Variants in FER1L6 observed in about 807,000 individuals in gnomAD.
FER1L6 encodes fer-1-like protein 6.
Under a neutral mutation model 219.2 loss-of-function variants are expected in FER1L6, and 177 were observed. That is an observed-to-expected ratio of 0.81 (90% CI 0.71 to 0.91). The LOEUF (loss-of-function observed/expected upper bound fraction) is 0.91, where lower values mean the gene tolerates loss of function less well. Among genes scored for constraint, FER1L6 ranks in the 40% least tolerant of loss-of-function variants. The pLI, the probability that FER1L6 is intolerant of heterozygous loss-of-function variation, is 0.00. For missense variants in FER1L6, 2,153 were observed against 2,259.9 expected, an observed-to-expected ratio of 0.95 and a Z score of 0.96; for synonymous variants, 768 against 824.3, an observed-to-expected ratio of 0.93 and a Z score of 1.17.
chr8:123,865,239 A>C lies in FER1L6; in HGVS notation c.-8+13054A>C, dbSNP rs564530587. On this transcript the variant is annotated intron_variant, in intron 1 of 40. Coordinates refer to ENST00000522917, the MANE Select transcript of FER1L6 (RefSeq NM_001039112.2). The stretch of plus-strand genomic sequence containing the variant: ...CTGCAGGTCTGTTGGAATACCCTGC[A>C]GTGTGAGGTGTCAGTGTGCCCCTGC... 2.7e-3 allele frequency among the ~76,000 whole-genome samples: 397 copies of C among 148,456 alleles called. 3 individuals are homozygous for C. The highest frequency in any genetic ancestry group is 9.8e-3 in the South Asian group (46 of 4,686).
intron 22 of FER1L6, among the ~76,000 whole-genome samples, chr8:124,055,799 G>T (rs1820267669): frequency 6.6e-6 from 1 of 152,056 alleles, no homozygotes. Flanking sequence ...GTTTGAAAGG[G>T]TCCCTCATCG....
intron 1 of FER1L6, among the ~76,000 whole-genome samples, chr8:123,889,153 A>T (rs1032717372): frequency 6.6e-6 from 1 of 152,200 alleles, no homozygotes; most frequent in Non-Finnish European, 1.5e-5. Flanking sequence ...GATAAATAAG[A>T]CTAATTTAAT....
rs368797867 is a variant in FER1L6 at position 124,114,895 on chromosome 8, G to GTGTATATA, written c.5290-3948_5290-3947insGTATATAT. 5.6e-4 allele frequency among the ~76,000 whole-genome samples: 50 copies of GTGTATATA among 90,064 alleles called. 1 individual carries two copies. In the South Asian group the frequency reaches 6.5e-3, roughly 12 times the overall value. 59.1% of individuals were successfully genotyped at this position (90,064 alleles called of 152,430 possible). A position where few individuals can be genotyped will look rare whatever the true frequency, so the allele number is the denominator to read the frequency against. ...ACATATATATGCAGTGTGTGTGTGC[G>GTGTATATA]TATATATATATATATATATATATAT... is the stretch of plus-strand genomic sequence containing the variant. On this transcript the variant is annotated intron_variant, in intron 39 of 40. Coordinates refer to ENST00000522917, the MANE Select transcript of FER1L6 (RefSeq NM_001039112.2).
chr8:123,907,369 A>G (rs1192235067), intron 1 of FER1L6, among the ~76,000 whole-genome samples: 1 of 152,130 alleles, frequency 6.6e-6, no homozygotes, highest in Non-Finnish European at 1.5e-5. Context: ...AGCTGCTGCT[A>G]TCACCACCCT....
At chr8:124,092,426 C>A (rs1002109277) in intron 34 of FER1L6, among the ~76,000 whole-genome samples, 1 of 152,076 alleles carries the variant, frequency 6.6e-6, no homozygotes, top group Admixed American at 6.6e-5. Flanking sequence ...AATAATTGAA[C>A]ATAACCCAAA....
chr8:124,073,046 T>C lies in FER1L6; in HGVS notation c.4092+1415T>C, dbSNP rs533950845. Among the ~76,000 whole-genome samples, 9 of 96,270 alleles carry C rather than the reference T, an allele frequency of 9.3e-5. No individual in the cohort carries two copies. The South Asian group carries it at 3.5e-3, about 37-fold the overall frequency. 63.2% of individuals were successfully genotyped at this position (96,270 alleles called of 152,430 possible). The stretch of plus-strand genomic sequence containing the variant: ...ATCTTGAACAGCATTTTCTAAACTT[T>C]TGCCTCATACCTTTTTTCCCCTGCA... On this transcript the variant is annotated intron_variant, in intron 31 of 40. Transcript: ENST00000522917.
chr8:123,896,849 A>G (rs926698160), intron 1 of FER1L6, among the ~76,000 whole-genome samples: 1 of 152,174 alleles, frequency 6.6e-6, no homozygotes, highest in Non-Finnish European at 1.5e-5. Flanking sequence ...CTTCAGGCTC[A>G]TATATCAATG....
chr8:124,067,806 G>C lies in FER1L6; in HGVS notation c.3718G>C (p.Glu1240Gln), dbSNP rs1449892894. 12 of 1,612,248 alleles carry C rather than the reference G, an allele frequency of 7.4e-6. No individual in the cohort carries two copies. The highest frequency in any genetic ancestry group is 1.0e-5 in the Non-Finnish European group (12 of 1,178,382). The change falls in exon 28 of 41, where the codon GAG becomes CAG. Residue 1240 changes from glutamate to glutamine, a missense_variant and splice_region_variant. By Grantham distance (29) the Glu-to-Gln change is conservative. Transcript: ENST00000522917. ...RNPKGKKGNT[E>Q]AKPDEVVVDI... ...TCCCAAGGGAAAAAAAGGCAATACA[G>C]GTAAGCAGTTATTCTGGGGACATTT...
At chr8:123,941,084 TCTA>T (rs1814222066) in intron 1 of FER1L6, among the ~76,000 whole-genome samples, 1 of 152,204 alleles carries the variant, frequency 6.6e-6, no homozygotes, top group Non-Finnish European at 1.5e-5. Context: ...ATTACACATG[TCTA>T]CTACATGCTG....
chr8:123,859,641 G>A (rs1165389181), intron 1 of FER1L6, among the ~76,000 whole-genome samples: 8 of 138,564 alleles, frequency 5.8e-5, no homozygotes, highest in South Asian at 4.7e-4. Flanking sequence ...ATGCTGGTGC[G>A]CTGCACCCAC....
At chr8:124,049,480 GAA>G (rs1473555192) in intron 21 of FER1L6, 125 bp from the exon 22 acceptor site, 2 of 1,101,886 alleles carry the variant, frequency 1.8e-6, no homozygotes, top group Non-Finnish European at 1.3e-6. Flanking sequence ...CTTGGCAGGA[GAA>G]AAGAGTGAGA....
chr8:124,071,556 C>T lies in FER1L6; in HGVS notation c.4017C>T (p.Ser1339=), dbSNP rs142783331. Residue 1339 remains serine, a synonymous_variant, in exon 31 of 41, where the codon AGC becomes AGT. Coordinates refer to ENST00000522917, the MANE Select transcript of FER1L6 (RefSeq NM_001039112.2). Reference sequence around the variant, plus strand: ...CCCAGGATTCTAGCTCTGAGGACAGCGGGCAGCTGAGAATCCAGCAAGGGA... The same window carrying T: ...CCCAGGATTCTAGCTCTGAGGACAGTGGGCAGCTGAGAATCCAGCAAGGGA... ...KSPQDSSSED[S]GQLRIQQGIP... 75 of 1,614,064 alleles carry T rather than the reference C, an allele frequency of 4.6e-5. No homozygotes were observed. The East Asian group carries it at 1.2e-3, about 26-fold the overall frequency.
At chr8:124,081,550 T>A (rs1000834882) in intron 32 of FER1L6, among the ~76,000 whole-genome samples, 1 of 150,904 alleles carries the variant, frequency 6.6e-6, no homozygotes, top group Non-Finnish European at 1.5e-5. Flanking sequence ...CACGGAAACA[T>A]TTATTTTGTG....
chr8:124,094,149 G>A (rs1002443846), intron 34 of FER1L6, among the ~76,000 whole-genome samples: 12 of 152,142 alleles, frequency 7.9e-5, no homozygotes, highest in Non-Finnish European at 1.5e-4. Context: ...GACAAAAGAC[G>A]TCCCTATGGA....
At position 123,935,947 on chromosome 8, in the gene FER1L6, C is replaced by CAAA. The variant is rs35857676; in HGVS notation, c.-7-20032_-7-20030dup. Among the ~76,000 whole-genome samples the CAAA allele has an allele frequency of 3.8e-4, 54 of 143,190 alleles. 1 individual carries two copies. Among genetic ancestry groups the CAAA allele is most frequent in the African/African-American group, 1.3e-3 (49 of 38,522 alleles). 93.9% of individuals were successfully genotyped at this position (143,190 alleles called of 152,430 possible). On this transcript the variant is annotated intron_variant, in intron 1 of 40. Coordinates refer to ENST00000522917, the MANE Select transcript of FER1L6 (RefSeq NM_001039112.2). ...TTAAAATCCTGCGAACTGGCTAATGCAAAAAAAAAAAAAAATCAAATCTGA... is the reference window on the plus strand; with the variant it reads ...TTAAAATCCTGCGAACTGGCTAATGCAAAAAAAAAAAAAAAAAATCAAATCTGA...
chr8:123,922,641 C>A (rs1240169739), intron 1 of FER1L6, among the ~76,000 whole-genome samples: 2 of 152,108 alleles, frequency 1.3e-5, no homozygotes, highest in Admixed American at 1.3e-4. Context: ...CCGTAGGCAC[C>A]GCCAACCTGG....
At chr8:123,868,517 A>G (rs993794257) in intron 1 of FER1L6, among the ~76,000 whole-genome samples, 11 of 152,126 alleles carry the variant, frequency 7.2e-5, no homozygotes, top group African/African-American at 2.7e-4. Context: ...TATAATGAAA[A>G]TGCATTCTAA....
chr8:123,865,945 G>C (rs1038361068), intron 1 of FER1L6, among the ~76,000 whole-genome samples: 1 of 151,298 alleles, frequency 6.6e-6, no homozygotes, highest in South Asian at 2.1e-4. Context: ...CGTCTTCTGC[G>C]TCGCTCACGC....
Position 123,977,574 on chromosome 8 carries a change from T to C in FER1L6, c.1028T>C (p.Leu343Pro). 1.9e-6 allele frequency: 3 copies of C among 1,614,070 alleles called. No individual in the cohort carries two copies. The highest frequency in any genetic ancestry group is 8.5e-7 in the Non-Finnish European group (1 of 1,179,996). ...DVALATHFID[L>P]KKISNEQDGD... ...GCCCTGGCAACCCATTTCATTGACC[T>C]GAAGAAAATCTCCAACGAACAGGAT... The change falls in exon 10 of 41, where the codon CTG becomes CCG. Residue 343 changes from leucine (L) to proline (P), a missense_variant. Transcript: ENST00000522917.
Sources: allele counts gnomAD v4.1 joint callset (sites outside exome capture counted in the v4.1 genomes callset), GRCh38; gene constraint gnomAD v4.1.1; transcripts MANE v1.5; gene names NCBI Gene and HGNC (gene_info 2026-07-23, HGNC 2026-07-21).